Variants in POU2F1 observed in about 807,000 individuals in gnomAD.
POU2F1 encodes POU domain, class 2, transcription factor 1.
POU2F1 carries 16 observed loss-of-function variants against 84.9 expected under a neutral mutation model. The ratio of observed to expected loss-of-function variants is 0.19; its 90% confidence interval spans 0.13 to 0.29. POU2F1 has a LOEUF of 0.29. Among genes scored for constraint, POU2F1 ranks in the 10% least tolerant of loss-of-function variants. POU2F1 has a pLI of 1.00. For missense variants in POU2F1, 738 were observed against 942.6 expected (o/e 0.78, Z 2.84); for synonymous variants, 368 against 368.3 (o/e 1.00, Z 0.01).
intron 13 of POU2F1, among the ~76,000 whole-genome samples, chr1:167,408,112 G>GTAA (rs1649709332): frequency 6.6e-6 from 1 of 152,156 alleles, no homozygotes; most frequent in African/African-American, 2.4e-5. Context: ...GGAGTGACTA[G>GTAA]TAAGCACATG....
chr1:167,338,669 T>C (rs1374211963), intron 2 of POU2F1, among the ~76,000 whole-genome samples: 1 of 152,252 alleles, frequency 6.6e-6, no homozygotes, highest in Non-Finnish European at 1.5e-5. Flanking sequence ...AGATGGTATT[T>C]CCCCATTCTT....
At chr1:167,408,708 A>G (rs926274235) in intron 13 of POU2F1, among the ~76,000 whole-genome samples, 3 of 152,232 alleles carry the variant, frequency 2.0e-5, no homozygotes, top group African/African-American at 7.2e-5. Flanking sequence ...GATTACAAAC[A>G]GGCACAAGGG....
chr1:167,383,645 T>C (rs1261966576), intron 7 of POU2F1: 3 of 445,420 alleles, frequency 6.7e-6, no homozygotes, highest in Non-Finnish European at 1.2e-5. Flanking sequence ...GCCAAAGACA[T>C]ATCAGTTTTA....
chr1:167,305,351 C>T (rs1654993558), intron 1 of POU2F1, among the ~76,000 whole-genome samples: 2 of 152,094 alleles, frequency 1.3e-5, no homozygotes, highest in African/African-American at 4.8e-5. Flanking sequence ...CCACACCCAG[C>T]TAATTTTTGT....
At chr1:167,263,166 T>A (rs1014249946) in intron 1 of POU2F1, among the ~76,000 whole-genome samples, 1 of 152,206 alleles carries the variant, frequency 6.6e-6, no homozygotes, top group Non-Finnish European at 1.5e-5. Flanking sequence ...CAAATAACAC[T>A]AAAAACCTTT....
intron 1 of POU2F1, among the ~76,000 whole-genome samples, chr1:167,262,637 C>T (rs1651657483): frequency 6.6e-6 from 1 of 152,086 alleles, no homozygotes; most frequent in Admixed American, 6.6e-5. Context: ...GAAGAAAAAT[C>T]ATTCAATGTA....
At chr1:167,318,827 T>A (rs1408856277) in intron 1 of POU2F1, among the ~76,000 whole-genome samples, 1 of 152,084 alleles carries the variant, frequency 6.6e-6, no homozygotes, top group Non-Finnish European at 1.5e-5. Context: ...AGTGTATACC[T>A]CCACTGGGGG....
At position 167,414,534 on chromosome 1, in the gene POU2F1, G is replaced by A. The variant is rs79023458; in HGVS notation, c.1991-966G>A. On this transcript the variant is annotated intron_variant, in intron 15 of 15. Coordinates refer to ENST00000367866, the MANE Select transcript of POU2F1 (RefSeq NM_002697.4). Reference sequence around the variant, plus strand: ...CTACATGTAGGAGTGAGGTTATATGGCTAGAGAGATTTAGGAATGTTGCCA... The same window carrying A: ...CTACATGTAGGAGTGAGGTTATATGACTAGAGAGATTTAGGAATGTTGCCA... 233 of 985,394 alleles carry A rather than the reference G, an allele frequency of 2.4e-4. 2 individuals carry two copies. In the East Asian group the frequency reaches 0.021, roughly 89 times the overall value. 61.0% of individuals were successfully genotyped at this position (985,394 alleles called of 1,614,324 possible).
intron 1 of POU2F1, among the ~76,000 whole-genome samples, chr1:167,312,338 C>G (rs937927653): frequency 6.6e-6 from 1 of 151,930 alleles, no homozygotes; most frequent in Non-Finnish European, 1.5e-5. Flanking sequence ...GGTCTCCTGC[C>G]TCAGCATCCC....
At chr1:167,253,217 GT>G (rs1650858573) in intron 1 of POU2F1, among the ~76,000 whole-genome samples, 1 of 152,176 alleles carries the variant, frequency 6.6e-6, no homozygotes, top group Non-Finnish European at 1.5e-5. Context: ...GCTTTTAATG[GT>G]TTGAATTATG....
intron 2 of POU2F1, among the ~76,000 whole-genome samples, chr1:167,342,207 AC>A (rs1657905768): frequency 1.3e-5 from 2 of 152,174 alleles, no homozygotes; most frequent in Admixed American, 1.3e-4. Flanking sequence ...ACCCTCTTCT[AC>A]CCAGTATTTC....
At chr1:167,246,507 A>C (rs1650332088) in intron 1 of POU2F1, among the ~76,000 whole-genome samples, 1 of 152,176 alleles carries the variant, frequency 6.6e-6, no homozygotes, top group African/African-American at 2.4e-5. Context: ...TATTATTATA[A>C]AATTTTTTAG....
At chr1:167,278,428 G>A (rs1031639793) in intron 1 of POU2F1, among the ~76,000 whole-genome samples, 4 of 152,186 alleles carry the variant, frequency 2.6e-5, no homozygotes, top group Non-Finnish European at 5.9e-5. Context: ...ACATGGTAGG[G>A]ATTTCATAGA....
chr1:167,309,589 T>A (rs1655319107), intron 1 of POU2F1, among the ~76,000 whole-genome samples: 1 of 152,230 alleles, frequency 6.6e-6, no homozygotes, highest in Non-Finnish European at 1.5e-5. Flanking sequence ...CATTTTTTAA[T>A]GACAAATATT....
At chr1:167,355,720 C>CA (rs1349290054) in intron 2 of POU2F1, among the ~76,000 whole-genome samples, 1 of 152,070 alleles carries the variant, frequency 6.6e-6, no homozygotes, top group Non-Finnish European at 1.5e-5. Context: ...AAGCTGGTGT[C>CA]AAACTCCTGG....
At position 167,420,390 on chromosome 1, in the gene POU2F1, G is replaced by C. The variant is rs1324854502; in HGVS notation, c.*4580G>C. 6.6e-6 allele frequency: 1 copy of C among 152,094 alleles called. No homozygotes were observed. Among genetic ancestry groups the C allele is most frequent in the Non-Finnish European group, 1.5e-5 (1 of 68,090 alleles). The allele number at this position is 152,094 out of a possible 1,614,324, so 9.4% of individuals were successfully genotyped here. A position where few individuals can be genotyped will look rare whatever the true frequency, so the allele number is the denominator to read the frequency against. The stretch of plus-strand genomic sequence containing the variant: ...TGTTGGCCAGGCTTTTTGAACTCCT[G>C]ACCTTAGGTGATCTGCCTGCCTTGG... On this transcript the variant is annotated 3_prime_UTR_variant, in exon 16 of 16. Coordinates refer to ENST00000367866, the MANE Select transcript of POU2F1 (RefSeq NM_002697.4).
At chr1:167,283,574 AAGTC>A (rs537725001) in intron 1 of POU2F1, among the ~76,000 whole-genome samples, 121 of 152,292 alleles carry the variant, frequency 7.9e-4, no homozygotes, top group African/African-American at 2.8e-3. Flanking sequence ...AGCAATATGA[AAGTC>A]AGTGAAGAGT....
At chr1:167,368,122 CA>C (rs1378270224) in intron 3 of POU2F1, among the ~76,000 whole-genome samples, 5 of 152,118 alleles carry the variant, frequency 3.3e-5, no homozygotes, top group African/African-American at 1.2e-4. Flanking sequence ...CAATCCAGTC[CA>C]TACTTTGCGT....
Position 167,331,722 on chromosome 1 carries a change from A to G in POU2F1, c.62-748A>G, listed in dbSNP as rs576857245. On this transcript the variant is annotated intron_variant, in intron 1 of 15. Coordinates refer to ENST00000367866, the MANE Select transcript of POU2F1 (RefSeq NM_002697.4). Reference sequence around the variant, plus strand: ...TGAAAACATTTTACTGTGGAAATAAACCTTCATTAAGTAGATAACCCAGAA... The same window carrying G: ...TGAAAACATTTTACTGTGGAAATAAGCCTTCATTAAGTAGATAACCCAGAA... Among the ~76,000 whole-genome samples, 184 of 152,068 alleles carry G rather than the reference A, an allele frequency of 1.2e-3. 1 individual carries two copies. The highest frequency in any genetic ancestry group is 2.1e-3 in the Non-Finnish European group (141 of 67,934).
Sources: allele counts gnomAD v4.1 joint callset (sites outside exome capture counted in the v4.1 genomes callset), GRCh38; gene constraint gnomAD v4.1.1; transcripts MANE v1.5; gene names NCBI Gene and HGNC (gene_info 2026-07-23, HGNC 2026-07-21).